The following PCDH15 variants were observed in gnomAD, a reference collection of about 807,000 sequenced individuals.
PCDH15 encodes protocadherin-15.
PCDH15 carries 129 observed loss-of-function variants against 178.5 expected under a neutral mutation model. That is an observed-to-expected ratio of 0.72 (90% confidence interval 0.63 to 0.84). PCDH15 has a LOEUF of 0.84. Among genes scored for constraint, PCDH15 ranks in the 40% least tolerant of loss-of-function variants. The pLI, the probability that PCDH15 is intolerant of heterozygous loss-of-function variation, is 0.00. For synonymous variants in PCDH15, 800 were observed against 732.0 expected, an observed-to-expected ratio of 1.09 and a Z score of -1.50; for missense variants, 2,230 against 2,099.9, an observed-to-expected ratio of 1.06 and a Z score of -1.21.
rs987995258 is a variant in PCDH15, at chr10:54,819,321, G to T, written c.-29+78129C>A. Among the ~76,000 whole-genome samples the T allele has an allele frequency of 5.9e-5, 9 of 151,762 alleles. No homozygotes were observed. The East Asian group carries it at 1.7e-3, about 29-fold the overall frequency. On this transcript the variant is annotated intron_variant, in intron 3 of 5. Coordinates refer to the PCDH15 transcript ENST00000458638. ...CTAATATCTCTTGCTCATATTTGGG[G>T]TCTTTAATTCACAATGTTCATATTT...
At chr10:55,536,410 A>C (rs1380280872) in intron 2 of PCDH15, among the ~76,000 whole-genome samples, 1 of 152,106 alleles carries the variant, frequency 6.6e-6, no homozygotes, top group Non-Finnish European at 1.5e-5. Flanking sequence ...GAATTCTTTC[A>C]ATATGTATTT....
chr10:55,256,430 G>A (rs751809515), intron 1 of PCDH15, among the ~76,000 whole-genome samples: 10 of 152,280 alleles, frequency 6.6e-5, no homozygotes, highest in East Asian at 3.9e-4. Context: ...GCGAGGCATC[G>A]CCTCACCCGG....
intron 10 of PCDH15, among the ~76,000 whole-genome samples, chr10:54,198,519 T>TTTTTTTTTTACCATGAAG (rs869115156): frequency 1.7e-5 from 1 of 59,510 alleles, no homozygotes. Flanking sequence ...TTTTTTTTTT[T>TTTTTTTTTTACCATGAAG]GAGACAAAGT....
At chr10:54,845,032 A>T (rs1167870280) in intron 3 of PCDH15, among the ~76,000 whole-genome samples, 6 of 151,986 alleles carry the variant, frequency 3.9e-5, no homozygotes, top group African/African-American at 1.4e-4. Context: ...TGAAATTAAG[A>T]TTTATAATTT....
At chr10:55,200,844 G>A (rs1840225599) in intron 1 of PCDH15, among the ~76,000 whole-genome samples, 1 of 152,022 alleles carries the variant, frequency 6.6e-6, no homozygotes, top group Non-Finnish European at 1.5e-5. Flanking sequence ...GTTAAGGTAT[G>A]TGGGCTTCCC....
intron 2 of PCDH15, among the ~76,000 whole-genome samples, chr10:55,104,434 G>T (rs1396696320): frequency 6.6e-6 from 1 of 151,998 alleles, no homozygotes. Flanking sequence ...CCTTCCTTTT[G>T]CTTTAAGTTG....
chr10:54,342,827 T>G (rs1040159347), intron 6 of PCDH15, among the ~76,000 whole-genome samples: 14 of 152,176 alleles, frequency 9.2e-5, no homozygotes, highest in Admixed American at 2.0e-4. Context: ...TCAAATGAGA[T>G]TATTTCGAAG....
At chr10:55,365,105 G>T (rs1010357988) in intron 2 of PCDH15, among the ~76,000 whole-genome samples, 1 of 151,670 alleles carries the variant, frequency 6.6e-6, no homozygotes, top group African/African-American at 2.4e-5. Context: ...TTCTTCTCAG[G>T]TTTGACATCT....
chr10:55,181,907 A>T (rs1333852184), intron 1 of PCDH15, among the ~76,000 whole-genome samples: 2 of 151,936 alleles, frequency 1.3e-5, no homozygotes, highest in Non-Finnish European at 2.9e-5. Flanking sequence ...TGTTTTATTA[A>T]TGTTATCGAC....
At chr10:54,357,911 G>A (rs1945302394) in intron 5 of PCDH15, among the ~76,000 whole-genome samples, 1 of 151,926 alleles carries the variant, frequency 6.6e-6, no homozygotes, top group African/African-American at 2.4e-5. Flanking sequence ...CAAGAAATGG[G>A]GAAAGGATTC....
At chr10:54,494,357 A>C (rs959343626) in intron 3 of PCDH15, among the ~76,000 whole-genome samples, 1 of 152,130 alleles carries the variant, frequency 6.6e-6, no homozygotes, top group Non-Finnish European at 1.5e-5. Flanking sequence ...TTTTTTATCT[A>C]TGAAAAGATC....
intron 2 of PCDH15, among the ~76,000 whole-genome samples, chr10:55,584,724 T>C (rs1842690659): frequency 6.9e-6 from 1 of 145,626 alleles, no homozygotes; most frequent in African/African-American, 2.5e-5. Context: ...ATCTCTAAAA[T>C]AGATACAAGT....
chr10:53,868,434 G>A (rs996066479), intron 26 of PCDH15, among the ~76,000 whole-genome samples: 1 of 151,976 alleles, frequency 6.6e-6, no homozygotes, highest in Non-Finnish European at 1.5e-5. Flanking sequence ...ATATAAATTA[G>A]TGATATTCAA....
At chr10:54,203,378 G>T (rs1484935297) in intron 10 of PCDH15, among the ~76,000 whole-genome samples, 1 of 152,086 alleles carries the variant, frequency 6.6e-6, no homozygotes, top group Non-Finnish European at 1.5e-5. Context: ...TGGTGTATGT[G>T]TGCACGTATG....
chr10:55,530,109 T>C (rs752897197), intron 2 of PCDH15, among the ~76,000 whole-genome samples: 7 of 151,942 alleles, frequency 4.6e-5, no homozygotes, highest in Non-Finnish European at 1.0e-4. Flanking sequence ...TATTTGTGTA[T>C]AATAATGACA....
chr10:55,078,315 T>C lies in PCDH15; in HGVS notation c.-80+88261A>G, dbSNP rs901659053. On this transcript the variant is annotated intron_variant, in intron 2 of 5. Coordinates refer to the PCDH15 transcript ENST00000458638. ...GTGGAGAAGATATTTTGGCATTGCA[T>C]CTGTCTGGGGGATTGCTTGGCCTCC... Among the ~76,000 whole-genome samples, 3 of 152,164 alleles carry C rather than the reference T, an allele frequency of 2.0e-5. No individual in the cohort carries two copies. In the South Asian group the frequency reaches 6.2e-4, roughly 31 times the overall value.
At chr10:54,773,619 T>C (rs557113901) in intron 1 of PCDH15, among the ~76,000 whole-genome samples, 101 of 152,302 alleles carry the variant, frequency 6.6e-4, no homozygotes, top group African/African-American at 2.2e-3. Flanking sequence ...ACAGAGATGA[T>C]TGTCATCTTG....
chr10:54,990,032 T>C (rs1839462648), intron 2 of PCDH15, among the ~76,000 whole-genome samples: 1 of 152,304 alleles, frequency 6.6e-6, no homozygotes, highest in Non-Finnish European at 1.5e-5. Flanking sequence ...GACTTGCTCC[T>C]CCTTGTCTTC....
intron 1 of PCDH15, among the ~76,000 whole-genome samples, chr10:55,297,913 G>C (rs1031161218): frequency 3.3e-5 from 5 of 152,056 alleles, no homozygotes; most frequent in Admixed American, 3.3e-4. Flanking sequence ...CAGGAGACTG[G>C]AGGATCCTTT....
Sources: gnomAD v4.1 joint callset for allele counts (sites outside exome capture counted in the v4.1 genomes callset) on GRCh38, gnomAD v4.1.1 for gene constraint, MANE v1.5 for transcripts, NCBI Gene and HGNC (gene_info 2026-07-23, HGNC 2026-07-21) for gene names.